TBC1D22A: variants seen among roughly 807,000 people sequenced by gnomAD.
TBC1D22A encodes the protein TBC1 domain family member 22A.
In TBC1D22A, 38 loss-of-function variants were observed where a neutral mutation model predicts 60.2. The observed-to-expected ratio is 0.63, with a 90% CI of 0.49 to 0.83. The LOEUF (loss-of-function observed/expected upper bound fraction) is 0.83. Among genes scored for constraint, TBC1D22A ranks in the 40% least tolerant of loss-of-function variants. TBC1D22A has a pLI of 0.00. For missense variants in TBC1D22A, 628 were observed against 701.0 expected (o/e 0.90, Z 1.18); for synonymous variants, 302 against 281.7 (o/e 1.07, Z -0.72).
intron 10 of TBC1D22A, among the ~76,000 whole-genome samples, chr22:47,001,993 C>T (rs1289674577): frequency 6.6e-6 from 1 of 152,280 alleles, no homozygotes; most frequent in East Asian, 1.9e-4. Flanking sequence ...GTATGCTGTT[C>T]TTTCTAAAAT....
rs117007200 is a variant in TBC1D22A, at chr22:46,885,506, C to T, written c.709-5760C>T. On this transcript the variant is annotated intron_variant, in intron 5 of 12. Transcript: ENST00000337137. ...TAGTTCACCTGCGGGTATGGCAATT[C>T]GGGGGCAAAGAAAAAGAAGTAATCT... 7.2e-3 allele frequency among the ~76,000 whole-genome samples: 1,100 copies of T among 152,230 alleles called. 8 individuals are homozygous for T. Among genetic ancestry groups the T allele is most frequent in the African/African-American group, 9.5e-3 (393 of 41,530 alleles).
At chr22:46,864,550 A>G (rs1290133197) in intron 4 of TBC1D22A, among the ~76,000 whole-genome samples, 1 of 152,244 alleles carries the variant, frequency 6.6e-6, no homozygotes, top group Non-Finnish European at 1.5e-5. Flanking sequence ...CTTTCCACAA[A>G]CAGATTGGTG....
intron 11 of TBC1D22A, among the ~76,000 whole-genome samples, chr22:47,063,443 A>T (rs961908099): frequency 6.6e-6 from 1 of 152,088 alleles, no homozygotes; most frequent in African/African-American, 2.4e-5. Context: ...GATGGAGAGG[A>T]CAGCCTGCAG....
intron 11 of TBC1D22A, among the ~76,000 whole-genome samples, chr22:47,082,340 ACTT>A (rs1325163338): frequency 9.2e-5 from 14 of 152,204 alleles, no homozygotes; most frequent in Admixed American, 9.2e-4. Flanking sequence ...AAGTTTGAGA[ACTT>A]CTTGATTTTA....
At chr22:47,116,492 C>A (rs903779130) in intron 12 of TBC1D22A, 1 of 152,434 alleles carries the variant, frequency 6.6e-6, no homozygotes, top group South Asian at 2.1e-4. Flanking sequence ...GGAGAAGCAG[C>A]TTCCTCCAGC....
At chr22:46,888,424 G>C (rs1160909657) in intron 5 of TBC1D22A, among the ~76,000 whole-genome samples, 1 of 152,234 alleles carries the variant, frequency 6.6e-6, no homozygotes, top group Non-Finnish European at 1.5e-5. Context: ...AGTGCCATCC[G>C]GGATGTATTT....
chr22:47,139,953 A>G (rs1601642468), intron 12 of TBC1D22A, among the ~76,000 whole-genome samples: 1 of 152,246 alleles, frequency 6.6e-6, no homozygotes, highest in Non-Finnish European at 1.5e-5. Flanking sequence ...TCCCACTCTG[A>G]AATGTCAAGC....
At chr22:46,917,795 A>G (rs534421348) in intron 8 of TBC1D22A, among the ~76,000 whole-genome samples, 2 of 152,194 alleles carry the variant, frequency 1.3e-5, no homozygotes, top group African/African-American at 4.8e-5. Context: ...CTGATGTGTC[A>G]GGGGTCTCCG....
chr22:46,902,161 G>C (rs2069044643), intron 7 of TBC1D22A, among the ~76,000 whole-genome samples: 1 of 152,168 alleles, frequency 6.6e-6, no homozygotes, highest in African/African-American at 2.4e-5. Context: ...GAGTGCTGTT[G>C]AGGTTTTTAG....
At chr22:46,956,865 C>G (rs866944339) in intron 8 of TBC1D22A, among the ~76,000 whole-genome samples, 1 of 152,176 alleles carries the variant, frequency 6.6e-6, no homozygotes, top group Non-Finnish European at 1.5e-5. Context: ...ACAGACTTTC[C>G]GGGATTTACA....
At chr22:46,902,199 T>C (rs1428011751) in intron 7 of TBC1D22A, among the ~76,000 whole-genome samples, 1 of 152,256 alleles carries the variant, frequency 6.6e-6, no homozygotes, top group Non-Finnish European at 1.5e-5. Flanking sequence ...CGAATTAGCA[T>C]GCATGTTCTG....
intron 10 of TBC1D22A, among the ~76,000 whole-genome samples, chr22:47,004,395 C>A (rs1602945099): frequency 1.3e-5 from 2 of 150,980 alleles, no homozygotes; most frequent in Non-Finnish European, 3.0e-5. Flanking sequence ...TGCACACAAC[C>A]CTTATACATA....
intron 4 of TBC1D22A, among the ~76,000 whole-genome samples, chr22:46,802,063 C>A (rs1019743186): frequency 5.3e-5 from 8 of 152,226 alleles, no homozygotes; most frequent in African/African-American, 1.9e-4. Context: ...TGTCCTTACT[C>A]ATGAAGTGGC....
rs762877028 is a variant in TBC1D22A at position 46,776,324 on chromosome 22, G to A, written c.62+13476G>A. ...TGGCTACCTGAGAACAGAGGTGTGC[G>A]TGGAAGTAGTGGGCACAGCTGTGGC... On this transcript the variant is annotated intron_variant, in intron 1 of 12. Transcript: ENST00000337137. Among the ~76,000 whole-genome samples, 5 of 152,264 alleles carry A rather than the reference G, an allele frequency of 3.3e-5. No individual in the cohort carries two copies. The East Asian group carries it at 5.8e-4, about 18-fold the overall frequency.
chr22:47,072,578 T>C (rs1003201357), intron 11 of TBC1D22A, among the ~76,000 whole-genome samples: 3 of 152,214 alleles, frequency 2.0e-5, no homozygotes, highest in African/African-American at 7.2e-5. Context: ...ACCCCTGCCA[T>C]TTCCCAGGGC....
intron 7 of TBC1D22A, among the ~76,000 whole-genome samples, chr22:46,897,298 G>C (rs1426972898): frequency 6.6e-6 from 1 of 152,122 alleles, no homozygotes; most frequent in Non-Finnish European, 1.5e-5. Flanking sequence ...GTTTCCCATC[G>C]GTTACTTAGT....
intron 8 of TBC1D22A, among the ~76,000 whole-genome samples, chr22:46,963,264 A>G (rs754390830): frequency 1.2e-5 from 1 of 81,284 alleles, no homozygotes; most frequent in African/African-American, 5.9e-5. Context: ...ACCTTACCCC[A>G]TGGTGTCTTG....
At chr22:47,050,959 G>A (rs372680523) in intron 11 of TBC1D22A, among the ~76,000 whole-genome samples, 11 of 152,236 alleles carry the variant, frequency 7.2e-5, no homozygotes, top group South Asian at 2.1e-4. Flanking sequence ...AGGGGGTGGC[G>A]GGGGCAGTCG....
chr22:47,074,231 G>A (rs754106851), intron 11 of TBC1D22A, among the ~76,000 whole-genome samples: 47 of 152,230 alleles, frequency 3.1e-4, no homozygotes, highest in Non-Finnish European at 5.6e-4. Context: ...CGCCTCCCAG[G>A]CTAGGAATCC....
Sources: allele counts gnomAD v4.1 joint callset (sites outside exome capture counted in the v4.1 genomes callset), GRCh38; gene constraint gnomAD v4.1.1; transcripts MANE v1.5; gene names NCBI Gene and HGNC (gene_info 2026-07-23, HGNC 2026-07-21).